The following KIF26B variants were observed in gnomAD, a reference collection of about 807,000 sequenced individuals.
KIF26B encodes the protein kinesin-like protein KIF26B.
In KIF26B, 63 loss-of-function variants were observed where a neutral mutation model predicts 151.2. That is an observed-to-expected ratio of 0.42 (90% CI 0.34 to 0.51). The LOEUF is 0.51. Ranked by LOEUF, KIF26B falls within the 20% of genes least tolerant of loss-of-function variation. The pLI, the probability that KIF26B is intolerant of heterozygous loss-of-function variation, is 0.07. For synonymous variants in KIF26B, 1,357 were observed against 1,262.1 expected, an observed-to-expected ratio of 1.08 and a Z score of -1.59; for missense variants, 2,813 against 2,913.6, an observed-to-expected ratio of 0.97 and a Z score of 0.79.
At chr1:245,646,826 C>T (rs149606955) in intron 10 of KIF26B, among the ~76,000 whole-genome samples, 2 of 152,300 alleles carry the variant, frequency 1.3e-5, no homozygotes, top group African/African-American at 2.4e-5. Flanking sequence ...GGAGTTAGCA[C>T]CTGCCTTCCC....
At chr1:245,523,450 T>C in intron 4 of KIF26B, among the ~76,000 whole-genome samples, 1 of 152,170 alleles carries the variant, frequency 6.6e-6, no homozygotes, top group East Asian at 1.9e-4. Context: ...CCTGTCTTAG[T>C]TCCTTTGGGT....
Position 245,685,550 on chromosome 1 carries a change from C to G in KIF26B, c.2567C>G (p.Ser856Cys). Residue 856 changes from serine to cysteine, a missense_variant, in exon 12 of 15, where the codon TCC becomes TGC. Physicochemically the swap from Ser to Cys is moderately radical, Grantham distance 112. Around this residue, in one of 3 missense-constraint regions of KIF26B, gnomAD observed 2,060 missense variants for 2,088.6 expected, o/e 0.99. Coordinates refer to ENST00000407071, the MANE Select transcript of KIF26B (RefSeq NM_018012.4). ...CTGTCCAGCGACCCCGACTACTCCT[C>G]CAGCAGCGAGCAGTCCTGCGACACC... is the stretch of plus-strand genomic sequence containing the variant. ...AHLSSDPDYS[S>C]SSEQSCDTVI... 6.2e-7 allele frequency: 1 copy of G among 1,613,910 alleles called. No homozygotes were observed. Among genetic ancestry groups the G allele is most frequent in the Non-Finnish European group, 8.5e-7 (1 of 1,179,894 alleles).
chr1:245,340,430 G>A (rs975538249), intron 2 of KIF26B, among the ~76,000 whole-genome samples: 6 of 151,528 alleles, frequency 4.0e-5, no homozygotes, highest in African/African-American at 1.5e-4. Flanking sequence ...TTAATCCATG[G>A]TTGTTTGAAT....
At chr1:245,356,932 G>C (rs189972686) in intron 2 of KIF26B, among the ~76,000 whole-genome samples, 1 of 152,204 alleles carries the variant, frequency 6.6e-6, no homozygotes, top group Non-Finnish European at 1.5e-5. Context: ...CCTTGAAGGC[G>C]GTAAGAGATG....
At position 245,602,656 on chromosome 1, in the gene KIF26B, G is replaced by A. The variant is rs752135746; in HGVS notation, c.1430G>A (p.Arg477Gln). 2.2e-5 allele frequency: 35 copies of A among 1,613,884 alleles called. No individual in the cohort carries two copies. Among genetic ancestry groups the A allele is most frequent in the Middle Eastern group, 3.3e-4 (2 of 6,084 alleles). The change falls in exon 6 of 15, where the codon CGG (arginine) becomes CAG (glutamine). Residue 477 changes from arginine (R) to glutamine (Q), a missense_variant. By Grantham distance (43) the Arg-to-Gln change is conservative. Around this residue, in one of 3 missense-constraint regions of KIF26B, gnomAD observed 676 missense variants for 688.1 expected, o/e 0.98. Transcript: ENST00000407071. The surrounding 1 kb of genome is among the most constrained non-coding windows in gnomAD (Gnocchi z 4.5). ...AGCTCTTTCTTAAAGGTGGACCCAC[G>A]GAAGAAGCAGATCACCTTGTACGAT... is the stretch of plus-strand genomic sequence containing the variant. Reference protein sequence around the residue: ...ESSSFLKVDPRKKQITLYDPL... With the variant: ...ESSSFLKVDPQKKQITLYDPL...
At chr1:245,406,942 C>T (rs1043123749) in intron 3 of KIF26B, among the ~76,000 whole-genome samples, 5 of 152,048 alleles carry the variant, frequency 3.3e-5, no homozygotes, top group African/African-American at 1.2e-4. Context: ...TGCGCACCAC[C>T]ACGCCTGGCT....
intron 2 of KIF26B, among the ~76,000 whole-genome samples, chr1:245,263,391 C>A (rs930633085): frequency 7.2e-5 from 11 of 152,334 alleles, no homozygotes; most frequent in African/African-American, 2.6e-4. Context: ...GGGTTCTTGG[C>A]ACTTCGGTGC....
chr1:245,359,874 C>CTTTCTTT (rs992624473), intron 2 of KIF26B, among the ~76,000 whole-genome samples: 2,260 of 139,532 alleles, frequency 0.016, 73 homozygotes, highest in African/African-American at 0.058. Flanking sequence ...TTCTTTCTTT[C>CTTTCTTT]TTTTTTTTTT....
intron 10 of KIF26B, among the ~76,000 whole-genome samples, chr1:245,652,877 T>C (rs6672552): frequency 0.46 from 70,630 of 152,002 alleles, 17,169 homozygotes; most frequent in Middle Eastern, 0.62. Flanking sequence ...GCAGCAGCCG[T>C]TGTGGCGTAA....
intron 4 of KIF26B, among the ~76,000 whole-genome samples, chr1:245,464,469 G>A (rs1425242977): frequency 3.3e-5 from 5 of 150,282 alleles, no homozygotes; most frequent in African/African-American, 4.9e-5. Flanking sequence ...GTGCGTGCGC[G>A]TGTGGGGGTG....
intron 14 of KIF26B, among the ~76,000 whole-genome samples, chr1:245,701,480 G>A (rs1205300619): frequency 1.3e-5 from 2 of 152,194 alleles, no homozygotes; most frequent in South Asian, 2.1e-4. Context: ...CTCTAGTCCT[G>A]GTTAACTGTG....
intron 12 of KIF26B, among the ~76,000 whole-genome samples, chr1:245,690,491 C>A (rs1044646452): frequency 6.6e-6 from 1 of 152,230 alleles, no homozygotes; most frequent in Admixed American, 6.5e-5. Context: ...CCACCACAGG[C>A]GAGCACAAAC....
intron 2 of KIF26B, among the ~76,000 whole-genome samples, chr1:245,272,672 T>C (rs1242671973): frequency 6.6e-6 from 1 of 152,158 alleles, no homozygotes; most frequent in Non-Finnish European, 1.5e-5. Context: ...TATAAACTTC[T>C]CTCCTAGTAT....
intron 4 of KIF26B, among the ~76,000 whole-genome samples, chr1:245,440,175 C>T (rs1159241125): frequency 1.3e-5 from 2 of 151,500 alleles, no homozygotes; most frequent in Non-Finnish European, 1.5e-5. Flanking sequence ...GAGCCGAGAT[C>T]GTGCCACTGC....
At position 245,685,713 on chromosome 1, in the gene KIF26B, G is replaced by A. The variant is rs978666184; in HGVS notation, c.2730G>A (p.Glu910=). ...ACAGCCGGCCCGCAGAGGCAGGAGA[G>A]GCTGCAGCCGGCAAGTCAGAAAGGG... ...RGDSRPAEAG[E]AAAGKSERDC... The change falls in exon 12 of 15, where the codon GAG becomes GAA. Residue 910 remains glutamate, a synonymous_variant. Coordinates refer to ENST00000407071, the MANE Select transcript of KIF26B (RefSeq NM_018012.4). The A allele has an allele frequency of 6.2e-7, 1 of 1,611,814 alleles. No individual in the cohort carries two copies. The highest frequency in any genetic ancestry group is 8.5e-7 in the Non-Finnish European group (1 of 1,179,220).
At chr1:245,399,558 C>T (rs937955469) in intron 3 of KIF26B, among the ~76,000 whole-genome samples, 8 of 152,140 alleles carry the variant, frequency 5.3e-5, no homozygotes, top group African/African-American at 1.2e-4. Context: ...TGAGAATCTT[C>T]GTTTCATATC....
intron 2 of KIF26B, among the ~76,000 whole-genome samples, chr1:245,291,661 T>C (rs1408370297): frequency 2.0e-5 from 3 of 151,862 alleles, no homozygotes; most frequent in Admixed American, 2.0e-4. Flanking sequence ...CTGGGAAAGA[T>C]GGATGTTTGA....
At position 245,706,068 on chromosome 1, in the gene KIF26B, A is replaced by G. The variant is rs2044837049; in HGVS notation, c.*3462A>G. The G allele has an allele frequency of 6.6e-6, 1 of 152,222 alleles. No homozygotes were observed. The highest frequency in any genetic ancestry group is 2.4e-5 in the African/African-American group (1 of 41,450). 9.4% of individuals were successfully genotyped at this position (152,222 alleles called of 1,614,324 possible). On this transcript the variant is annotated 3_prime_UTR_variant, in exon 15 of 15. Transcript: ENST00000407071. ...TCATGAGAAGCTGGGGTAAACAGCCAGGCATCGCAGCGTGGGGAATTAGAC... is the reference window on the plus strand; with the variant it reads ...TCATGAGAAGCTGGGGTAAACAGCCGGGCATCGCAGCGTGGGGAATTAGAC...
At chr1:245,503,692 G>A (rs1025570812) in intron 4 of KIF26B, among the ~76,000 whole-genome samples, 3 of 152,252 alleles carry the variant, frequency 2.0e-5, no homozygotes, top group Non-Finnish European at 2.9e-5. Context: ...GAGCTGGGCG[G>A]TGATGGGTGT....
Sources: gnomAD v4.1 joint callset for allele counts (sites outside exome capture counted in the v4.1 genomes callset) on GRCh38, gnomAD v4.1.1 for gene constraint, gnomAD v4.1.1 regional missense constraint, Gnocchi (gnomAD v3.1) non-coding constraint, MANE v1.5 for transcripts, NCBI Gene and HGNC (gene_info 2026-07-23, HGNC 2026-07-21) for gene names.